Variants in SLC24A3 observed in about 807,000 individuals in gnomAD.
SLC24A3 encodes the protein solute carrier family 24 member 3, also known as sodium/potassium/calcium exchanger 3.
SLC24A3 carries 28 observed loss-of-function variants against 75.8 expected under a neutral mutation model. That is an observed-to-expected ratio of 0.37 (90% CI 0.27 to 0.51). The LOEUF is 0.51. SLC24A3 is among the 20% of genes least tolerant of loss of function. The pLI is 0.94. For missense variants in SLC24A3, 663 were observed against 847.8 expected (o/e 0.78, Z 2.71); for synonymous variants, 372 against 334.1 (o/e 1.11, Z -1.24).
chr20:19,229,306 T>G lies in SLC24A3; in HGVS notation c.142+16322T>G, dbSNP rs565636441. On this transcript the variant is annotated intron_variant, in intron 1 of 16. Coordinates refer to ENST00000328041, the MANE Select transcript of SLC24A3 (RefSeq NM_020689.4). Reference sequence around the variant, plus strand: ...TGTGAAAATTTGTATCTTGTATTTCTTCATTAATTTTTCTCTTTTCCCTTT... The same window carrying G: ...TGTGAAAATTTGTATCTTGTATTTCGTCATTAATTTTTCTCTTTTCCCTTT... Among the ~76,000 whole-genome samples, 7 of 152,262 alleles carry G rather than the reference T, an allele frequency of 4.6e-5. No homozygotes were observed. In the South Asian group the frequency reaches 1.5e-3, roughly 32 times the overall value.
intron 1 of SLC24A3, among the ~76,000 whole-genome samples, chr20:19,250,636 T>A (rs1368853042): frequency 6.6e-6 from 1 of 152,162 alleles, no homozygotes; most frequent in East Asian, 1.9e-4. Flanking sequence ...AGGTTCATAG[T>A]TTTAGAGCTT....
intron 3 of SLC24A3, among the ~76,000 whole-genome samples, chr20:19,526,924 A>G (rs1246914055): frequency 2.0e-5 from 3 of 152,136 alleles, no homozygotes; most frequent in African/African-American, 7.2e-5. Context: ...ATTGTTGGCC[A>G]TTGTCGTTAT....
At chr20:19,463,404 G>C (rs1159517911) in intron 2 of SLC24A3, among the ~76,000 whole-genome samples, 1 of 152,190 alleles carries the variant, frequency 6.6e-6, no homozygotes, top group Admixed American at 6.5e-5. Flanking sequence ...AATGTCACAG[G>C]CTCCCAGAAT....
At chr20:19,576,477 C>T (rs988096568) in intron 3 of SLC24A3, among the ~76,000 whole-genome samples, 9 of 152,114 alleles carry the variant, frequency 5.9e-5, no homozygotes, top group Non-Finnish European at 1.2e-4. Flanking sequence ...GCAGGCCCAC[C>T]GTCAGGTGCC....
chr20:19,679,970 T>C (rs1281204537), intron 9 of SLC24A3, among the ~76,000 whole-genome samples: 2 of 150,648 alleles, frequency 1.3e-5, no homozygotes, highest in Admixed American at 1.3e-4. Flanking sequence ...TATCCCATGA[T>C]GTGGCACAGT....
chr20:19,307,278 C>T (rs1482620354), intron 2 of SLC24A3, among the ~76,000 whole-genome samples: 1 of 152,096 alleles, frequency 6.6e-6, no homozygotes, highest in Non-Finnish European at 1.5e-5. Flanking sequence ...GATCAATGCT[C>T]AATCAATGGT....
chr20:19,363,752 T>A (rs1004370932), intron 2 of SLC24A3, among the ~76,000 whole-genome samples: 1 of 152,222 alleles, frequency 6.6e-6, no homozygotes, highest in Non-Finnish European at 1.5e-5. Flanking sequence ...TATTTTGTAT[T>A]GGATGTTTTA....
In SLC24A3 at chr20:19,715,096, G is replaced by A. The variant is rs762095700; in HGVS notation, c.1720-2432G>A. Among the ~76,000 whole-genome samples the A allele has an allele frequency of 3.3e-5, 5 of 152,230 alleles. 1 individual carries two copies. On this transcript the variant is annotated intron_variant, in intron 15 of 16. Transcript: ENST00000328041. ...TTCACATCTACCCAAGGGTGACTGA[G>A]GATAGCTCCAAGAGCCTCTTCCTCT...
chr20:19,519,032 C>T (rs989440913), intron 3 of SLC24A3, among the ~76,000 whole-genome samples: 2 of 152,194 alleles, frequency 1.3e-5, no homozygotes, highest in Non-Finnish European at 2.9e-5. Context: ...CCACCTCAGG[C>T]TTCCCCCAAG....
chr20:19,419,294 A>G (rs984735675), intron 2 of SLC24A3, among the ~76,000 whole-genome samples: 1 of 152,048 alleles, frequency 6.6e-6, no homozygotes, highest in Non-Finnish European at 1.5e-5. Flanking sequence ...GGAAGTACAC[A>G]CCACCACCTG....
At chr20:19,604,242 G>C (rs543540999) in intron 6 of SLC24A3, among the ~76,000 whole-genome samples, 1 of 151,676 alleles carries the variant, frequency 6.6e-6, no homozygotes, top group East Asian at 1.9e-4. Flanking sequence ...CCTAGTGGGA[G>C]TGAGGGGCTG....
At chr20:19,553,217 G>A (rs1001111798) in intron 3 of SLC24A3, among the ~76,000 whole-genome samples, 1 of 151,972 alleles carries the variant, frequency 6.6e-6, no homozygotes, top group Non-Finnish European at 1.5e-5. Context: ...ACACCTCTGT[G>A]TGCACATCTC....
At chr20:19,389,479 G>A (rs976111698) in intron 2 of SLC24A3, among the ~76,000 whole-genome samples, 1 of 151,600 alleles carries the variant, frequency 6.6e-6, no homozygotes, top group South Asian at 2.1e-4. Flanking sequence ...GGACAGTCTT[G>A]CAGGTTATAA....
chr20:19,535,741 T>G, intron 3 of SLC24A3, among the ~76,000 whole-genome samples: 1 of 152,166 alleles, frequency 6.6e-6, no homozygotes, highest in East Asian at 1.9e-4. Context: ...TGGACCTAGA[T>G]TGCATATTTA....
chr20:19,480,527 C>G (rs1988036179), intron 2 of SLC24A3, among the ~76,000 whole-genome samples: 2 of 152,304 alleles, frequency 1.3e-5, no homozygotes, highest in East Asian at 3.9e-4. Flanking sequence ...TAGTTGGGGT[C>G]TTGCCTACCA....
intron 9 of SLC24A3, among the ~76,000 whole-genome samples, chr20:19,678,786 C>T (rs1235232825): frequency 2.0e-5 from 3 of 146,734 alleles, no homozygotes; most frequent in East Asian, 2.2e-4. Flanking sequence ...ACTTCTCAGA[C>T]GGGGCGGTTG....
intron 2 of SLC24A3, among the ~76,000 whole-genome samples, chr20:19,429,110 C>T (rs1198720967): frequency 1.3e-5 from 2 of 152,210 alleles, no homozygotes; most frequent in East Asian, 3.8e-4. Flanking sequence ...CAGAAACTTT[C>T]ATTTCTCTGA....
chr20:19,693,646 C>T, intron 13 of SLC24A3: 3 of 528,492 alleles, frequency 5.7e-6, no homozygotes, highest in Non-Finnish European at 9.5e-6. Flanking sequence ...TAGCTGGGAC[C>T]TGCTATGCAG....
At chr20:19,542,792 G>A (rs1233903042) in intron 3 of SLC24A3, among the ~76,000 whole-genome samples, 1 of 152,156 alleles carries the variant, frequency 6.6e-6, no homozygotes, top group Non-Finnish European at 1.5e-5. Context: ...TGAGAGAGAA[G>A]GAGGAGCCTC....
Sources: allele counts gnomAD v4.1 joint callset (sites outside exome capture counted in the v4.1 genomes callset), GRCh38; gene constraint gnomAD v4.1.1; transcripts MANE v1.5; gene names NCBI Gene and HGNC (gene_info 2026-07-23, HGNC 2026-07-21).